PLCB1: variants seen among roughly 807,000 people sequenced by gnomAD.
PLCB1 encodes 1-phosphatidylinositol 4,5-bisphosphate phosphodiesterase beta-1.
PLCB1 carries 46 observed loss-of-function variants against 161.8 expected under a neutral mutation model. The ratio of observed to expected loss-of-function variants is 0.28; its 90% CI spans 0.22 to 0.36. The LOEUF is 0.36. PLCB1 is among the 10% of genes least tolerant of loss of function. The pLI, the probability that PLCB1 is intolerant of heterozygous loss-of-function variation, is 1.00. For missense variants in PLCB1, 1,016 were observed against 1,472.5 expected, an observed-to-expected ratio of 0.69 and a Z score of 5.07; for synonymous variants, 517 against 503.7, an observed-to-expected ratio of 1.03 and a Z score of -0.35.
intron 3 of PLCB1, among the ~76,000 whole-genome samples, chr20:8,625,884 A>G (rs1003450073): frequency 2.0e-5 from 3 of 152,156 alleles, no homozygotes; most frequent in Admixed American, 1.3e-4. Context: ...CTAATTATAT[A>G]AAGACCAATA....
chr20:8,191,421 AT>A (rs956925509), intron 2 of PLCB1, among the ~76,000 whole-genome samples: 2 of 151,330 alleles, frequency 1.3e-5, no homozygotes, highest in African/African-American at 2.4e-5. Flanking sequence ...AATCCACTTA[AT>A]TTTTTTTTCC....
At chr20:8,477,003 A>G (rs1435489869) in intron 3 of PLCB1, among the ~76,000 whole-genome samples, 2 of 152,172 alleles carry the variant, frequency 1.3e-5, no homozygotes, top group Non-Finnish European at 2.9e-5. Flanking sequence ...CTGATGGTCC[A>G]TTGTAGTTTT....
chr20:8,426,274 A>G (rs1979765323), intron 3 of PLCB1, among the ~76,000 whole-genome samples: 1 of 152,204 alleles, frequency 6.6e-6, no homozygotes, highest in African/African-American at 2.4e-5. Flanking sequence ...AATCAATCAT[A>G]ATCCTAAAAG....
intron 9 of PLCB1, among the ~76,000 whole-genome samples, chr20:8,681,303 C>T (rs1173830375): frequency 2.0e-5 from 3 of 151,590 alleles, no homozygotes; most frequent in Admixed American, 6.6e-5. Context: ...ATCCTGTACC[C>T]AAGGCAGACA....
chr20:8,374,245 GTGTT>G (rs997845828), intron 3 of PLCB1, among the ~76,000 whole-genome samples: 3 of 152,152 alleles, frequency 2.0e-5, no homozygotes, highest in African/African-American at 7.2e-5. Flanking sequence ...GGTTTTATAA[GTGTT>G]TGGTAGTTCC....
intron 2 of PLCB1, among the ~76,000 whole-genome samples, chr20:8,192,830 TA>T (rs2123111291): frequency 6.6e-6 from 1 of 151,866 alleles, no homozygotes; most frequent in East Asian, 1.9e-4. Flanking sequence ...AGTGGCCAAA[TA>T]TGGAGGGGGG....
Position 8,506,622 on chromosome 20 carries a change from A to G in PLCB1, c.247-121672A>G, listed in dbSNP as rs181334938. Among the ~76,000 whole-genome samples the G allele has an allele frequency of 7.2e-4, 109 of 152,332 alleles. 1 individual carries two copies. The East Asian group carries it at 0.014, about 20-fold the overall frequency. ...ATGAATTTCCATTTGTTGGTTGATT[A>G]TTTATAGGGTGAATTGCCAAAAAAG... On this transcript the variant is annotated intron_variant, in intron 3 of 31. Coordinates refer to ENST00000338037, the MANE Select transcript of PLCB1 (RefSeq NM_015192.4).
chr20:8,793,778 C>G (rs4440038), intron 31 of PLCB1, among the ~76,000 whole-genome samples: 98,521 of 151,918 alleles, frequency 0.65, 32,158 homozygotes, highest in East Asian at 0.85. Context: ...CAGTAGACAG[C>G]GTTTTGAGAT....
intron 3 of PLCB1, among the ~76,000 whole-genome samples, chr20:8,612,357 A>C (rs11087811): frequency 6.6e-6 from 1 of 151,944 alleles, no homozygotes; most frequent in Non-Finnish European, 1.5e-5. Context: ...ATTCTATGAC[A>C]TAAAGATCCA....
chr20:8,226,690 A>ATT (rs575225666), intron 2 of PLCB1, among the ~76,000 whole-genome samples: 16 of 144,376 alleles, frequency 1.1e-4, no homozygotes, highest in Middle Eastern at 3.6e-3. Flanking sequence ...AGTAAAACTA[A>ATT]TTTTTTTTTT....
At chr20:8,292,115 C>T (rs967887686) in intron 2 of PLCB1, among the ~76,000 whole-genome samples, 5 of 152,090 alleles carry the variant, frequency 3.3e-5, no homozygotes, top group Admixed American at 1.3e-4. Flanking sequence ...GCTTATGACC[C>T]TCTGTGGTAA....
intron 31 of PLCB1, among the ~76,000 whole-genome samples, chr20:8,801,701 A>G (rs1181231130): frequency 6.6e-6 from 1 of 152,256 alleles, no homozygotes; most frequent in Non-Finnish European, 1.5e-5. Flanking sequence ...TGTGTTGTTC[A>G]CTGAACAAAC....
chr20:8,570,291 A>T (rs1184537971), intron 3 of PLCB1, among the ~76,000 whole-genome samples: 1 of 152,188 alleles, frequency 6.6e-6, no homozygotes, highest in Non-Finnish European at 1.5e-5. Context: ...CCTCTGCAAC[A>T]GTGGTGGAGT....
chr20:8,232,694 C>A (rs1372092230), intron 2 of PLCB1, among the ~76,000 whole-genome samples: 1 of 152,156 alleles, frequency 6.6e-6, no homozygotes, highest in Non-Finnish European at 1.5e-5. Flanking sequence ...TGCTGGGCAC[C>A]ATTTCTGCCC....
At chr20:8,650,170 G>T (rs1437627052) in intron 7 of PLCB1, among the ~76,000 whole-genome samples, 2 of 125,606 alleles carry the variant, frequency 1.6e-5, no homozygotes, top group African/African-American at 8.6e-5. Flanking sequence ...CCTTCTTGAT[G>T]TTTTTTTTAA....
chr20:8,784,907 C>T (rs766451957), intron 27 of PLCB1, among the ~76,000 whole-genome samples: 16 of 152,114 alleles, frequency 1.1e-4, no homozygotes, highest in Non-Finnish European at 2.1e-4. Context: ...TCGCTGAGGT[C>T]GGGTCCAGTG....
intron 8 of PLCB1, among the ~76,000 whole-genome samples, chr20:8,658,245 G>A (rs996280064): frequency 2.0e-5 from 3 of 152,150 alleles, no homozygotes; most frequent in Non-Finnish European, 2.9e-5. Flanking sequence ...TCGGTTTAGA[G>A]TGGTGCACCC....
chr20:8,641,201 C>T (rs774928932), intron 4 of PLCB1, among the ~76,000 whole-genome samples: 58 of 152,156 alleles, frequency 3.8e-4, no homozygotes, highest in Non-Finnish European at 7.5e-4. Flanking sequence ...ATGTTATATC[C>T]AGGACTCCTA....
At chr20:8,374,355 C>T (rs1568651773) in intron 3 of PLCB1, among the ~76,000 whole-genome samples, 1 of 152,212 alleles carries the variant, frequency 6.6e-6, no homozygotes, top group African/African-American at 2.4e-5. Context: ...CCTCCCCAGC[C>T]ATGCAAAACT....
Sources: allele counts gnomAD v4.1 joint callset (sites outside exome capture counted in the v4.1 genomes callset), GRCh38; gene constraint gnomAD v4.1.1; transcripts MANE v1.5; gene names NCBI Gene and HGNC (gene_info 2026-07-23, HGNC 2026-07-21).